The following TENM4 variants were observed in gnomAD, a reference collection of about 807,000 sequenced individuals.
TENM4 encodes teneurin transmembrane protein 4, also known as teneurin-4.
A neutral mutation model predicts 243.3 loss-of-function variants in TENM4; 82 were observed. The observed-to-expected ratio is 0.34, with a 90% CI of 0.28 to 0.40. TENM4 has a LOEUF of 0.40. TENM4 is among the 10% of genes least tolerant of loss of function. TENM4 has a pLI of 1.00. For synonymous variants in TENM4, 1,412 were observed against 1,456.3 expected (o/e 0.97, Z 0.69); for missense variants, 3,138 against 3,673.3 (o/e 0.85, Z 3.77).
chr11:79,432,573 G>C (rs974141380), intron 1 of TENM4, among the ~76,000 whole-genome samples: 2 of 152,194 alleles, frequency 1.3e-5, no homozygotes, highest in Admixed American at 1.3e-4. Context: ...CTTCACAATA[G>C]TTTTGATGTC....
At chr11:79,369,482 T>C (rs1337440221) in intron 1 of TENM4, among the ~76,000 whole-genome samples, 2 of 152,080 alleles carry the variant, frequency 1.3e-5, no homozygotes, top group Non-Finnish European at 1.5e-5. Flanking sequence ...GGAACAGAGG[T>C]GGGCACTTCA....
intron 6 of TENM4, among the ~76,000 whole-genome samples, chr11:79,015,545 C>T (rs1431602881): frequency 6.6e-6 from 1 of 151,406 alleles, no homozygotes; most frequent in Non-Finnish European, 1.5e-5. Context: ...GTTCAACTCT[C>T]CCACAGTGCA....
chr11:78,863,193 G>A (rs1019557541), intron 9 of TENM4, 61 bp from the exon 10 acceptor site: 4 of 1,428,058 alleles, frequency 2.8e-6, no homozygotes, highest in African/African-American at 2.8e-5. Flanking sequence ...GGACTCCCAA[G>A]CCATAAGGGA....
At chr11:79,111,686 G>A (rs1398181944) in intron 4 of TENM4, among the ~76,000 whole-genome samples, 1 of 152,188 alleles carries the variant, frequency 6.6e-6, no homozygotes, top group Non-Finnish European at 1.5e-5. Context: ...ACCTGTGCTG[G>A]GCACAGGGGA....
intron 6 of TENM4, among the ~76,000 whole-genome samples, chr11:78,965,957 T>C (rs570547545): frequency 6.6e-6 from 1 of 152,296 alleles, no homozygotes; most frequent in East Asian, 1.9e-4. Context: ...TTCAAATTTC[T>C]GTTTAGTATG....
intron 6 of TENM4, among the ~76,000 whole-genome samples, chr11:78,921,246 T>A (rs541655330): frequency 1.3e-5 from 2 of 152,322 alleles, no homozygotes; most frequent in South Asian, 4.1e-4. Context: ...GGCGTGATAT[T>A]ACTTAGGTCT....
intron 2 of TENM4, among the ~76,000 whole-genome samples, chr11:79,230,477 C>T (rs74562523): frequency 0.022 from 3,321 of 152,264 alleles, 144 homozygotes; most frequent in African/African-American, 0.076. Context: ...GCAGAAACAG[C>T]AGCAGCTCTG....
intron 3 of TENM4, among the ~76,000 whole-genome samples, chr11:79,177,779 C>A (rs534077404): frequency 1.3e-5 from 2 of 152,198 alleles, no homozygotes; most frequent in African/African-American, 4.8e-5. Flanking sequence ...AGCAAGGAGG[C>A]AGGTGTGGCT....
intron 1 of TENM4, among the ~76,000 whole-genome samples, chr11:79,343,894 T>C (rs1857283203): frequency 6.6e-6 from 1 of 152,218 alleles, no homozygotes; most frequent in African/African-American, 2.4e-5. Flanking sequence ...CTGCAGGGGC[T>C]TGTGTCTGCC....
chr11:78,855,822 G>C, intron 11 of TENM4, 142 bp downstream of exon 11: 1 of 776,612 alleles, frequency 1.3e-6, no homozygotes, highest in African/African-American at 1.8e-5. Context: ...GTGGGTCTGA[G>C]AGGGACTACA....
At chr11:78,978,318 G>A (rs552295273) in intron 6 of TENM4, among the ~76,000 whole-genome samples, 4 of 148,556 alleles carry the variant, frequency 2.7e-5, no homozygotes, top group Non-Finnish European at 4.4e-5. Flanking sequence ...AAACCTGCAC[G>A]TTCTACACAT....
chr11:78,709,185 G>C (rs2135794030), intron 26 of TENM4, among the ~76,000 whole-genome samples: 1 of 140,560 alleles, frequency 7.1e-6, no homozygotes, highest in East Asian at 2.1e-4. Context: ...TGTTGGTCTT[G>C]AACTACTGAC....
At chr11:79,370,958 T>A (rs910197068) in intron 1 of TENM4, among the ~76,000 whole-genome samples, 8 of 152,134 alleles carry the variant, frequency 5.3e-5, no homozygotes, top group African/African-American at 1.9e-4. Context: ...CAAGAAAATG[T>A]CAGGAACTCT....
intron 3 of TENM4, among the ~76,000 whole-genome samples, chr11:79,161,138 G>A (rs1482973695): frequency 6.6e-6 from 1 of 152,176 alleles, no homozygotes; most frequent in African/African-American, 2.4e-5. Context: ...CCCTGGCTGA[G>A]ATTTTATGTG....
At chr11:79,217,497 T>A (rs1864075725) in intron 2 of TENM4, among the ~76,000 whole-genome samples, 1 of 152,190 alleles carries the variant, frequency 6.6e-6, no homozygotes, top group African/African-American at 2.4e-5. Context: ...AAAACATTGC[T>A]GTTTATTATA....
chr11:78,708,945 TTTTTC>T (rs1264183473), intron 26 of TENM4, among the ~76,000 whole-genome samples: 1 of 146,990 alleles, frequency 6.8e-6, no homozygotes. Context: ...TTGGTAACCA[TTTTTC>T]TTTTCTTTCT....
chr11:79,352,994 C>A (rs574085821), intron 1 of TENM4, among the ~76,000 whole-genome samples: 11 of 152,160 alleles, frequency 7.2e-5, no homozygotes, highest in Admixed American at 3.3e-4. Context: ...CAGACGGATA[C>A]CCTCATTGGC....
At chr11:79,174,469 T>C (rs1243650574) in intron 3 of TENM4, among the ~76,000 whole-genome samples, 4 of 152,218 alleles carry the variant, frequency 2.6e-5, no homozygotes, top group Non-Finnish European at 4.4e-5. Context: ...ATGCCTGTGC[T>C]TACAGCTACA....
chr11:79,406,092 G>A (rs1858566251), intron 1 of TENM4, among the ~76,000 whole-genome samples: 1 of 151,998 alleles, frequency 6.6e-6, no homozygotes, highest in African/African-American at 2.4e-5. Context: ...GCCTGACTGT[G>A]CAGACATACA....
Sources: gnomAD v4.1 joint callset for allele counts (sites outside exome capture counted in the v4.1 genomes callset) on GRCh38, gnomAD v4.1.1 for gene constraint, MANE v1.5 for transcripts, NCBI Gene and HGNC (gene_info 2026-07-23, HGNC 2026-07-21) for gene names.